The following PSMD2 variants were observed in gnomAD, a reference collection of about 807,000 sequenced individuals.
PSMD2 encodes the protein proteasome 26S subunit ubiquitin receptor, non-ATPase 2.
In PSMD2, 8 loss-of-function variants were observed where a neutral mutation model predicts 101.5. That is an observed-to-expected ratio of 0.08 (90% CI 0.05 to 0.14). The LOEUF is 0.14. Among genes scored for constraint, PSMD2 ranks in the 10% least tolerant of loss-of-function variants. The pLI, the probability that PSMD2 is intolerant of heterozygous loss-of-function variation, is 1.00. For synonymous variants in PSMD2, 418 were observed against 433.8 expected, an observed-to-expected ratio of 0.96 and a Z score of 0.45; for missense variants, 784 against 1,147.4, an observed-to-expected ratio of 0.68 and a Z score of 4.58.
rs756695984 is a variant in PSMD2 at position 184,305,944 on chromosome 3, T to C, written c.1702+14T>C. Reference sequence around the variant, plus strand: ...TCAACCACCTGGGTGAGGGGATGTTTCTATTTGGGCAAAGAGCTGACAGTA... The same window carrying C: ...TCAACCACCTGGGTGAGGGGATGTTCCTATTTGGGCAAAGAGCTGACAGTA... On this transcript the variant is annotated intron_variant, in intron 13 of 20. Coordinates refer to ENST00000310118, the MANE Select transcript of PSMD2 (RefSeq NM_002808.5). 6.2e-7 allele frequency: 1 copy of C among 1,613,996 alleles called. No individual in the cohort carries two copies. Among genetic ancestry groups the C allele is most frequent in the South Asian group, 1.1e-5 (1 of 91,082 alleles).
Position 184,308,399 on chromosome 3 carries a change from C to T in PSMD2, c.2426-50C>T, listed in dbSNP as rs1281162328. ...GAGGTGGGCTCTCAATGTTTCTGGCCAGGCCTGTCTTTTTGTCTCTTAACT... is the reference window on the plus strand; with the variant it reads ...GAGGTGGGCTCTCAATGTTTCTGGCTAGGCCTGTCTTTTTGTCTCTTAACT... On this transcript the variant is annotated intron_variant, in intron 19 of 20. Transcript: ENST00000310118. This position sits in a 1 kb window ranked among gnomAD's most constrained non-coding sequence, Gnocchi z 6.0. 8.3e-6 allele frequency: 12 copies of T among 1,451,694 alleles called. No individual in the cohort carries two copies. Among genetic ancestry groups the T allele is most frequent in the Admixed American group, 3.6e-5 (2 of 55,532 alleles). The allele number at this position is 1,451,694 out of a possible 1,614,324, so 89.9% of individuals were successfully genotyped here.
intron 12 of PSMD2, 87 bp from the exon 13 acceptor site, chr3:184,305,681 A>T: frequency 8.5e-7 from 1 of 1,182,802 alleles, no homozygotes; most frequent in Non-Finnish European, 1.2e-6. Flanking sequence ...AATATCTTGC[A>T]GTGGACTGTA....
chr3:184,302,569 T>C (rs1233121578), intron 6 of PSMD2, 41 bp downstream of exon 6: 24 of 1,612,236 alleles, frequency 1.5e-5, no homozygotes, highest in Non-Finnish European at 2.0e-5. Flanking sequence ...AGCTTACGAA[T>C]AGGACACTTG....
chr3:184,299,288 A>C lies in PSMD2; in HGVS notation c.22A>C (p.Lys8Gln), dbSNP rs1330373298. ...GGAGATGGAGGAGGGAGGCCGGGAC[A>C]AGGCGCCGGTGCAGCCCCAGCAGTC... MEEGGRD[K>Q]APVQPQQSPA... The change falls in exon 1 of 21, where the codon AAG becomes CAG. Residue 8 changes from lysine (K) to glutamine (Q), a missense_variant. Around this residue, in one of 6 missense-constraint regions of PSMD2, gnomAD observed 196 missense variants for 182.4 expected, o/e 1.07. Transcript: ENST00000310118. 7.3e-7 allele frequency: 1 copy of C among 1,366,038 alleles called. No individual in the cohort carries two copies. Among genetic ancestry groups the C allele is most frequent in the South Asian group, 1.6e-5 (1 of 61,488 alleles). 84.6% of individuals were successfully genotyped at this position (1,366,038 alleles called of 1,614,324 possible). A position where few individuals can be genotyped will look rare whatever the true frequency, so the allele number is the denominator to read the frequency against.
At chr3:184,300,558 T>C (rs1721607824) in intron 3 of PSMD2, 114 bp downstream of exon 3, 1 of 1,471,326 alleles carries the variant, frequency 6.8e-7, no homozygotes, top group East Asian at 2.4e-5. Context: ...CCGTGATCTA[T>C]TTGAGCAGAG....
rs1449085433 is a variant in PSMD2, at chr3:184,303,338, C to A, written c.1088C>A (p.Ser363Tyr). Reference protein sequence around the residue: ...LENNRFGGSGSQVDSARMNLA... With the variant: ...LENNRFGGSGYQVDSARMNLA... ...GTTGCAGGGTTTGGGGGCAGTGGCT[C>A]TCAGGTGGACTCTGCCCGCATGAAC... Residue 363 changes from serine to tyrosine, a missense_variant, in exon 9 of 21, where the codon TCT (serine) becomes TAT (tyrosine). Transcript: ENST00000310118. 6.2e-7 allele frequency: 1 copy of A among 1,613,388 alleles called. No homozygotes were observed. The highest frequency in any genetic ancestry group is 1.1e-5 in the South Asian group (1 of 90,962).
In PSMD2 at chr3:184,302,777, T is replaced by C. The variant is rs1312807492; in HGVS notation, c.962T>C (p.Met321Thr). 1.9e-6 allele frequency: 3 copies of C among 1,614,038 alleles called. No homozygotes were observed. Among genetic ancestry groups the C allele is most frequent in the Non-Finnish European group, 2.5e-6 (3 of 1,180,046 alleles). Reference protein sequence around the residue: ...VEEYEDLTEIMSNVQLNSNFL... With the variant: ...VEEYEDLTEITSNVQLNSNFL... ...GAGTATGAGGACCTGACAGAGATCA[T>C]GTCCAATGTACAGCTCAACAGCAAC... Residue 321 changes from methionine (M) to threonine (T), a missense_variant, in exon 7 of 21, where the codon ATG becomes ACG. Physicochemically the swap from Met to Thr is moderately conservative, Grantham distance 81. Around this residue, in one of 6 missense-constraint regions of PSMD2, gnomAD observed 208 missense variants for 301.6 expected, o/e 0.69. Coordinates refer to ENST00000310118, the MANE Select transcript of PSMD2 (RefSeq NM_002808.5).
In PSMD2 at chr3:184,300,324, A is replaced by G. The variant is rs748495363; in HGVS notation, c.237A>G (p.Arg79=). The G allele has an allele frequency of 6.2e-7, 1 of 1,613,946 alleles. No individual in the cohort carries two copies. Among genetic ancestry groups the G allele is most frequent in the South Asian group, 1.1e-5 (1 of 91,080 alleles). The change falls in exon 3 of 21, where the codon CGA becomes CGG. Residue 79 remains arginine, a synonymous_variant. Coordinates refer to ENST00000310118, the MANE Select transcript of PSMD2 (RefSeq NM_002808.5). The part of the protein sequence containing the change: ...SLYRPALEEL[R]RQIRSSTTSM... The stretch of plus-strand genomic sequence containing the variant: ...ATCGACCAGCGCTGGAGGAATTGCG[A>G]AGGCAGATTCGTTCTTCTACAACTT...
chr3:184,303,465 C>T lies in PSMD2; in HGVS notation c.1215C>T (p.His405=), dbSNP rs139235468. 3.5e-5 allele frequency: 57 copies of T among 1,613,436 alleles called. No individual in the cohort carries two copies. The highest frequency in any genetic ancestry group is 3.2e-4 in the South Asian group (29 of 90,976). ...GNKWLYKNKD[H]GMLSAAASLG... Reference sequence around the variant, plus strand: ...AATGGCTTTACAAGAACAAGGACCACGGTATAATTCTGTTCCTGCTTTGTC... The same window carrying T: ...AATGGCTTTACAAGAACAAGGACCATGGTATAATTCTGTTCCTGCTTTGTC... The change falls in exon 9 of 21, where the codon CAC becomes CAT. Residue 405 remains histidine (H), a splice_region_variant and synonymous_variant. Coordinates refer to ENST00000310118, the MANE Select transcript of PSMD2 (RefSeq NM_002808.5).
chr3:184,303,139 A>T, intron 8 of PSMD2, 77 bp downstream of exon 8: 1 of 1,538,574 alleles, frequency 6.5e-7, no homozygotes, highest in Non-Finnish European at 9.0e-7. Context: ...GGCTTGGCCA[A>T]CATGCTTATC....
chr3:184,304,622 G>T lies in PSMD2; in HGVS notation c.1539+231G>T, dbSNP rs1014049740. 6.6e-6 allele frequency among the ~76,000 whole-genome samples: 1 copy of T among 152,066 alleles called. No individual in the cohort carries two copies. The highest frequency in any genetic ancestry group is 2.4e-5 in the African/African-American group (1 of 41,392). On this transcript the variant is annotated intron_variant, in intron 12 of 20. Coordinates refer to ENST00000310118, the MANE Select transcript of PSMD2 (RefSeq NM_002808.5). The surrounding 1 kb of genome is among the most constrained non-coding windows in gnomAD (Gnocchi z 4.1). ...CATTTTAGGCCTGGCACGGTGGCTC[G>T]TGCCTATAATCCCAGCACTTTGGGA...
Position 184,301,516 on chromosome 3 carries a change from A to G in PSMD2, c.358-21A>G, listed in dbSNP as rs765143821. 4 of 1,612,560 alleles carry G rather than the reference A, an allele frequency of 2.5e-6. No individual in the cohort carries two copies. In the Admixed American group the frequency reaches 6.7e-5, roughly 27 times the overall value. ...ATGCTGGACTGCTGGGTTTGACTTC[A>G]AAGAACTCTTTTCTTTATAGCGTTT... On this transcript the variant is annotated intron_variant, in intron 3 of 20. Transcript: ENST00000310118.
At position 184,301,893 on chromosome 3, in the gene PSMD2, G is replaced by C. The variant is rs11545172; in HGVS notation, c.526G>C (p.Ala176Pro). The C allele has an allele frequency of 3.7e-6, 6 of 1,614,182 alleles. No homozygotes were observed. Among genetic ancestry groups the C allele is most frequent in the Middle Eastern group, 3.3e-4 (2 of 6,062 alleles). The change falls in exon 5 of 21, where the codon GCA (alanine) becomes CCA (proline). Residue 176 changes from alanine (A) to proline (P), a missense_variant. This residue lies in a region of PSMD2 where 208 missense variants were observed against 301.6 expected (regional missense o/e 0.69). Coordinates refer to ENST00000310118, the MANE Select transcript of PSMD2 (RefSeq NM_002808.5). ...TAAGGAGTGGCAGGAGCTGGATGAC[G>C]CAGAGAAGGTCCAGCGGGAGCCTCT... ...VAKEWQELDD[A>P]EKVQREPLLT...
chr3:184,307,320 C>T, intron 16 of PSMD2, 37 bp from the exon 17 acceptor site: 1 of 1,606,876 alleles, frequency 6.2e-7, no homozygotes, highest in South Asian at 1.1e-5. Flanking sequence ...GTTTTTACTG[C>T]ATTCCGCCTT....
intron 1 of PSMD2, 77 bp from the exon 2 acceptor site, chr3:184,299,774 C>CA: frequency 6.4e-6 from 8 of 1,248,944 alleles, no homozygotes; most frequent in Non-Finnish European, 9.4e-6. Flanking sequence ...GCTTATTCTT[C>CA]ACCTGCCCCG....
At chr3:184,303,243 C>A (rs1394829708) in intron 8 of PSMD2, 77 bp from the exon 9 acceptor site, 1 of 1,555,512 alleles carries the variant, frequency 6.4e-7, no homozygotes, top group African/African-American at 1.4e-5. Context: ...GAACCAGAGA[C>A]CAGTTGCCAT....
chr3:184,307,514 T>C lies in PSMD2; in HGVS notation c.2192T>C (p.Met731Thr), dbSNP rs1721873515. ...VSYNSIFAMG[M>T]VGSGTNNARL... ...TATAACTCCATTTTTGCCATGGGCA[T>C]GGTGGGCAGTGGTGAGTATCCGGCA... is the stretch of plus-strand genomic sequence containing the variant. The change falls in exon 17 of 21, where the codon ATG becomes ACG. Residue 731 changes from methionine to threonine, a missense_variant. By Grantham distance (81) the Met-to-Thr change is moderately conservative. Transcript: ENST00000310118. The C allele has an allele frequency of 1.2e-6, 2 of 1,614,172 alleles. No individual in the cohort carries two copies. The highest frequency in any genetic ancestry group is 1.7e-6 in the Non-Finnish European group (2 of 1,180,030).
chr3:184,305,977 A>G (rs760537393), intron 13 of PSMD2, 47 bp downstream of exon 13: 5 of 1,613,494 alleles, frequency 3.1e-6, no homozygotes, highest in Non-Finnish European at 4.2e-6. Flanking sequence ...GTAACTGGAT[A>G]CAACAGGGAG....
chr3:184,305,733 C>T, intron 12 of PSMD2, 35 bp from the exon 13 acceptor site: 1 of 1,585,866 alleles, frequency 6.3e-7, no homozygotes, highest in Non-Finnish European at 8.6e-7. Context: ...ATTTTAATAA[C>T]TTACTCTGTG....
Sources: gnomAD v4.1 joint callset for allele counts (sites outside exome capture counted in the v4.1 genomes callset) on GRCh38, gnomAD v4.1.1 for gene constraint, gnomAD v4.1.1 regional missense constraint, Gnocchi (gnomAD v3.1) non-coding constraint, MANE v1.5 for transcripts, NCBI Gene and HGNC (gene_info 2026-07-23, HGNC 2026-07-21) for gene names.